Variants in LETM1 observed in about 807,000 individuals in gnomAD.
LETM1 encodes leucine zipper and EF-hand containing transmembrane protein 1.
In LETM1, 50 loss-of-function variants were observed where a neutral mutation model predicts 74.5. That is an observed-to-expected ratio of 0.67 (90% CI 0.53 to 0.85). The LOEUF (loss-of-function observed/expected upper bound fraction) is 0.85. Ranked by LOEUF, LETM1 falls within the 40% of genes least tolerant of loss-of-function variation. The pLI is 0.00. For synonymous variants in LETM1, 446 were observed against 407.1 expected, an observed-to-expected ratio of 1.10 and a Z score of -1.15; for missense variants, 824 against 967.8, an observed-to-expected ratio of 0.85 and a Z score of 1.97.
In LETM1 at chr4:1,822,250, T is replaced by A; in HGVS notation, c.1539A>T (p.Pro513=). ...ACTGCAGGACTGTGTCAGGCATTTC[T>A]GGCTGTGGCTCGGTCCCCGGCCTTT... ...APQRPGTEPQ[P]EMPDTVLQSE... The change falls in exon 10 of 14, where the codon CCA becomes CCT. Residue 513 remains proline (P), a synonymous_variant. Transcript: ENST00000302787. The A allele has an allele frequency of 6.5e-7, 1 of 1,549,800 alleles. No individual in the cohort carries two copies. Among genetic ancestry groups the A allele is most frequent in the Non-Finnish European group, 8.8e-7 (1 of 1,141,278 alleles).
chr4:1,844,156 G>A lies in LETM1; in HGVS notation c.144-2359C>T, dbSNP rs1577325391. Among the ~76,000 whole-genome samples, 3 of 152,328 alleles carry A rather than the reference G, an allele frequency of 2.0e-5. No homozygotes were observed. The South Asian group carries it at 6.2e-4, about 32-fold the overall frequency. On this transcript the variant is annotated intron_variant, in intron 2 of 13. Coordinates refer to ENST00000302787, the MANE Select transcript of LETM1 (RefSeq NM_012318.3). ...CACACGATGGACTCAGTGAAGGCAG[G>A]GAGCCATCCAGAGTTGGGCACACCT...
chr4:1,823,905 G>A, intron 7 of LETM1, 130 bp from the exon 8 acceptor site: 1 of 1,090,218 alleles, frequency 9.2e-7, no homozygotes, highest in Non-Finnish European at 1.3e-6. Flanking sequence ...AGGTCTGTTT[G>A]TTGCTGTGCT....
In LETM1 at chr4:1,811,949, A is replaced by G. The variant is rs781400950; in HGVS notation, c.*2475T>C. The stretch of plus-strand genomic sequence containing the variant: ...CTAATAAAAACTTGCCCGTAATCCC[A>G]GCACTTTGGGAGGCCGAGGTGAGTA... On this transcript the variant is annotated 3_prime_UTR_variant, in exon 14 of 14. Coordinates refer to ENST00000302787, the MANE Select transcript of LETM1 (RefSeq NM_012318.3). 1.3e-5 allele frequency: 2 copies of G among 152,174 alleles called. No individual in the cohort carries two copies. The highest frequency in any genetic ancestry group is 2.9e-5 in the Non-Finnish European group (2 of 68,072). 9.4% of individuals were successfully genotyped at this position (152,174 alleles called of 1,614,324 possible).
At chr4:1,818,744 G>T (rs1223462062) in intron 11 of LETM1, among the ~76,000 whole-genome samples, 1 of 152,034 alleles carries the variant, frequency 6.6e-6, no homozygotes, top group Non-Finnish European at 1.5e-5. Context: ...ATAAGATCTC[G>T]TCAAGTGACC....
Position 1,816,826 on chromosome 4 carries a change from C to G in LETM1, c.1832G>C (p.Arg611Thr), listed in dbSNP as rs764194986. The change falls in exon 12 of 14, where the codon AGG becomes ACG. Residue 611 changes from arginine (R) to threonine (T), a missense_variant. Around this residue, in one of 4 missense-constraint regions of LETM1, gnomAD observed 161 missense variants for 252.7 expected, o/e 0.64. Transcript: ENST00000302787. Reference sequence around the variant, plus strand: ...GATCTGCCCGATCATTTGCTGCACCCTTTTTGTCAATCTCTTGCTGGCTTT... The same window carrying G: ...GATCTGCCCGATCATTTGCTGCACCGTTTTTGTCAATCTCTTGCTGGCTTT... Reference protein sequence around the residue: ...ESKASKRLTKRVQQMIGQIDG... With the variant: ...ESKASKRLTKTVQQMIGQIDG... 8.1e-6 allele frequency: 13 copies of G among 1,614,096 alleles called. No homozygotes were observed. Among genetic ancestry groups the G allele is most frequent in the Admixed American group, 1.7e-5 (1 of 60,012 alleles).
At position 1,836,777 on chromosome 4, in the gene LETM1, A is replaced by AGAG. The variant is rs1489448038; in HGVS notation, c.595-206_595-205insCTC. Among the ~76,000 whole-genome samples the AGAG allele has an allele frequency of 8.5e-5, 13 of 152,202 alleles. No individual in the cohort carries two copies. The highest frequency in any genetic ancestry group is 3.1e-4 in the African/African-American group (13 of 41,440). On this transcript the variant is annotated intron_variant, in intron 3 of 13. Transcript: ENST00000302787. This position sits in a 1 kb window ranked among gnomAD's most constrained non-coding sequence, Gnocchi z 5.8. ...CTCAGGGTCCAAAGCAGGTACCAGC[A>AGAG]GCCTCCAGAAAAGCAGGGTATGGTG...
rs1023952269 is a variant in LETM1, at chr4:1,834,583, T to G, written c.876+262A>C. ...CTCATGGGTCAGATTCTACTGCTCC[T>G]GGACAGCTGCAGGGTGATGAGACAC... On this transcript the variant is annotated intron_variant, in intron 5 of 13. Transcript: ENST00000302787. This position sits in a 1 kb window ranked among gnomAD's most constrained non-coding sequence, Gnocchi z 5.0. 5 of 1,284,758 alleles carry G rather than the reference T, an allele frequency of 3.9e-6. No homozygotes were observed. In the African/African-American group the frequency reaches 6.1e-5, roughly 16 times the overall value. 79.6% of individuals were successfully genotyped at this position (1,284,758 alleles called of 1,614,324 possible).
At chr4:1,835,486 A>C (rs1712434830) in intron 4 of LETM1, among the ~76,000 whole-genome samples, 1 of 152,050 alleles carries the variant, frequency 6.6e-6, no homozygotes, top group Non-Finnish European at 1.5e-5. Context: ...CAAACAAACA[A>C]AAACAAACAA....
At chr4:1,827,206 C>T (rs1291802420) in intron 6 of LETM1, among the ~76,000 whole-genome samples, 3 of 151,894 alleles carry the variant, frequency 2.0e-5, no homozygotes, top group Admixed American at 6.6e-5. Context: ...GCTTCCTTCC[C>T]TCTGATACTG....
chr4:1,834,655 TA>T lies in LETM1; in HGVS notation c.876+189del. On this transcript the variant is annotated intron_variant, in intron 5 of 13. Coordinates refer to ENST00000302787, the MANE Select transcript of LETM1 (RefSeq NM_012318.3). This position sits in a 1 kb window ranked among gnomAD's most constrained non-coding sequence, Gnocchi z 5.0. ...CTGACGAGGCGCAGCCACCACAGCT[TA>T]ACTCACTGGGAGCTCGTGGGGGCAG... 7.0e-7 allele frequency: 1 copy of T among 1,423,828 alleles called. No individual in the cohort carries two copies. The highest frequency in any genetic ancestry group is 9.2e-7 in the Non-Finnish European group (1 of 1,092,332). The allele number at this position is 1,423,828 out of a possible 1,614,324, so 88.2% of individuals were successfully genotyped here.
intron 6 of LETM1, among the ~76,000 whole-genome samples, 195 bp from the exon 7 acceptor site, chr4:1,825,878 C>T (rs1233097327): frequency 1.3e-5 from 2 of 152,082 alleles, no homozygotes; most frequent in South Asian, 2.1e-4. Flanking sequence ...AAGTGCAGAA[C>T]GGCCACGGTC....
At chr4:1,850,251 C>A (rs1713022472) in intron 1 of LETM1, among the ~76,000 whole-genome samples, 1 of 152,166 alleles carries the variant, frequency 6.6e-6, no homozygotes, top group Admixed American at 6.5e-5. Context: ...GGTTTCAGAG[C>A]ACTGCTAAGT....
chr4:1,822,727 C>T, intron 9 of LETM1: 1 of 381,792 alleles, frequency 2.6e-6, no homozygotes. Context: ...TGGGCACTGC[C>T]ATATGCTAAG....
At chr4:1,822,159 G>A (rs1260763658) in intron 10 of LETM1, 22 bp downstream of exon 10, 12 of 1,381,456 alleles carry the variant, frequency 8.7e-6, no homozygotes, top group Non-Finnish European at 1.1e-5. Context: ...AGCCTCCAGG[G>A]CCCCAGAACC....
intron 2 of LETM1, among the ~76,000 whole-genome samples, chr4:1,847,201 G>A (rs1319310031): frequency 1.3e-5 from 2 of 151,914 alleles, no homozygotes; most frequent in African/African-American, 2.4e-5. Context: ...ATTTAGCAAG[G>A]CATGTTGGTA....
chr4:1,850,170 A>G (rs1430011158), intron 1 of LETM1, among the ~76,000 whole-genome samples: 1 of 152,032 alleles, frequency 6.6e-6, no homozygotes. Flanking sequence ...GAAAAAAAAA[A>G]TCTGAAAGAG....
chr4:1,852,505 C>T (rs1048420736), intron 1 of LETM1, among the ~76,000 whole-genome samples: 4 of 152,172 alleles, frequency 2.6e-5, no homozygotes, highest in South Asian at 4.1e-4. Flanking sequence ...CAAACCCTCT[C>T]GCCTCCCTGG....
chr4:1,822,637 C>T (rs4376202), intron 9 of LETM1: 324,948 of 341,620 alleles, frequency 0.95, 155,760 homozygotes, highest in Non-Finnish European at 0.99. Context: ...ACAGGGCCCG[C>T]GTTGAAGAGG....
At chr4:1,839,077 G>T (rs958664930) in intron 3 of LETM1, among the ~76,000 whole-genome samples, 2 of 152,172 alleles carry the variant, frequency 1.3e-5, no homozygotes. Context: ...AAAAGAGAAT[G>T]AATAAAATAG....
Sources: gnomAD v4.1 joint callset for allele counts (sites outside exome capture counted in the v4.1 genomes callset) on GRCh38, gnomAD v4.1.1 for gene constraint, gnomAD v4.1.1 regional missense constraint, Gnocchi (gnomAD v3.1) non-coding constraint, MANE v1.5 for transcripts, NCBI Gene and HGNC (gene_info 2026-07-23, HGNC 2026-07-21) for gene names.